Variants in FBXL3 observed in about 807,000 individuals in gnomAD.
FBXL3 encodes F-box and leucine rich repeat protein 3.
FBXL3 carries 14 observed loss-of-function variants against 37.9 expected under a neutral mutation model. That is an observed-to-expected ratio of 0.37 (90% CI 0.24 to 0.58). FBXL3 has a LOEUF of 0.58. Ranked by LOEUF, FBXL3 falls within the 20% of genes least tolerant of loss-of-function variation. The pLI is 0.74. For missense variants in FBXL3, 327 were observed against 511.1 expected (o/e 0.64, Z 3.47); for synonymous variants, 194 against 180.1 (o/e 1.08, Z -0.62).
At chr13:77,023,832 T>A (rs1039535576) in intron 1 of FBXL3, among the ~76,000 whole-genome samples, 2 of 152,210 alleles carry the variant, frequency 1.3e-5, no homozygotes, top group Non-Finnish European at 2.9e-5. Flanking sequence ...GCAGACTTTC[T>A]CCACCCAGTA....
rs764011537 is a variant in FBXL3 at position 77,007,566 on chromosome 13, A to G, written c.866T>C (p.Leu289Ser). Residue 289 changes from leucine (L) to serine (S), a missense_variant, in exon 5 of 5, where the codon TTA (leucine) becomes TCA (serine). Physicochemically the swap from Leu to Ser is moderately radical, Grantham distance 145. Coordinates refer to ENST00000355619, the MANE Select transcript of FBXL3 (RefSeq NM_012158.4). Reference sequence around the variant, plus strand: ...TTCATATAAAAAAAAATACATCACTAAGTTCACTTTGGGTGAATGTCTGAT... The same window carrying G: ...TTCATATAAAAAAAAATACATCACTGAGTTCACTTTGGGTGAATGTCTGAT... ...AFIRHSPKVN[L>S]VMYFFLYEEE... 4 of 1,614,124 alleles carry G rather than the reference A, an allele frequency of 2.5e-6. No individual in the cohort carries two copies. The Admixed American group carries it at 5.0e-5, about 20-fold the overall frequency.
intron 1 of FBXL3, among the ~76,000 whole-genome samples, chr13:77,023,247 C>A (rs2034776495): frequency 6.6e-6 from 1 of 152,170 alleles, no homozygotes; most frequent in African/African-American, 2.4e-5. Context: ...GCAGCCTCGA[C>A]CTCCTGAGAT....
chr13:77,023,345 A>AGTGTGT (rs3037568), intron 1 of FBXL3, among the ~76,000 whole-genome samples: 96 of 147,600 alleles, frequency 6.5e-4, no homozygotes, highest in African/African-American at 2.0e-3. Flanking sequence ...AGAGAGAGAG[A>AGTGTGT]GTGTGTGTGT....
intron 4 of FBXL3, among the ~76,000 whole-genome samples, chr13:77,012,115 G>A (rs1040636343): frequency 1.4e-4 from 21 of 152,138 alleles, no homozygotes; most frequent in Admixed American, 1.0e-3. Context: ...GGTTTTGGGG[G>A]CAACAGCTAA....
chr13:77,014,953 C>G (rs1435651224), intron 4 of FBXL3: 1 of 152,174 alleles, frequency 6.6e-6, no homozygotes, highest in Non-Finnish European at 1.5e-5. Context: ...GGAAAAACAT[C>G]ATCTTGCAAA....
Position 77,005,271 on chromosome 13 carries a change from C to T in FBXL3, c.*1874G>A, listed in dbSNP as rs2034430488. 1 of 152,440 alleles carries T rather than the reference C, an allele frequency of 6.6e-6. No individual in the cohort carries two copies. Among genetic ancestry groups the T allele is most frequent in the Non-Finnish European group, 1.5e-5 (1 of 67,950 alleles). 9.4% of individuals were successfully genotyped at this position (152,440 alleles called of 1,614,324 possible). ...AAGTAAAATACAACAGCATTAGTAA[C>T]TTTTTATTCTCAAAGTGATAAAAGC... On this transcript the variant is annotated 3_prime_UTR_variant, in exon 5 of 5. Transcript: ENST00000355619.
chr13:77,006,150 A>C lies in FBXL3; in HGVS notation c.*995T>G, dbSNP rs528240621. ...TGGTGCTCCCTTTATGATTTTTAAAAATTTTACTTACATAACTATGTAATT... is the reference window on the plus strand; with the variant it reads ...TGGTGCTCCCTTTATGATTTTTAAACATTTTACTTACATAACTATGTAATT... On this transcript the variant is annotated 3_prime_UTR_variant, in exon 5 of 5. Coordinates refer to ENST00000355619, the MANE Select transcript of FBXL3 (RefSeq NM_012158.4). 3 of 152,674 alleles carry C rather than the reference A, an allele frequency of 2.0e-5. No individual in the cohort carries two copies. The South Asian group carries it at 6.2e-4, about 32-fold the overall frequency. 9.5% of individuals were successfully genotyped at this position (152,674 alleles called of 1,614,324 possible).
chr13:77,012,761 T>C (rs984441713), intron 4 of FBXL3: 2 of 152,174 alleles, frequency 1.3e-5, no homozygotes, highest in South Asian at 2.1e-4. Context: ...GCTCTTCAAA[T>C]AGAAAGTATT....
chr13:77,007,892 C>T (rs763118552), intron 4 of FBXL3, 104 bp from the exon 5 acceptor site: 19 of 849,522 alleles, frequency 2.2e-5, no homozygotes, highest in Non-Finnish European at 3.0e-5. Context: ...GTTCCCTTAC[C>T]ACAAAACTAT....
chr13:77,023,916 G>C (rs537645801), intron 1 of FBXL3, among the ~76,000 whole-genome samples: 88 of 152,304 alleles, frequency 5.8e-4, no homozygotes, highest in African/African-American at 2.0e-3. Flanking sequence ...TGACCTTAAT[G>C]CCATGAAAGT....
intron 2 of FBXL3, among the ~76,000 whole-genome samples, chr13:77,019,346 C>CA (rs151327307): frequency 0.037 from 5,607 of 152,038 alleles, 212 homozygotes; most frequent in East Asian, 0.14. Flanking sequence ...GATAAAGGGC[C>CA]AAAAAATCCC....
rs1264431793 is a variant in FBXL3, at chr13:77,021,554, T to C, written c.307A>G (p.Ile103Val). The change falls in exon 2 of 5, where the codon ATT (isoleucine) becomes GTT (valine). Residue 103 changes from isoleucine to valine, a missense_variant. Transcript: ENST00000355619. ...TGTAGATGGTTTGAATGTCTTTTAATAATCTGTTTGATCAGCTCTGGATGG... is the reference window on the plus strand; with the variant it reads ...TGTAGATGGTTTGAATGTCTTTTAACAATCTGTTTGATCAGCTCTGGATGG... ...ATHPELIKQI[I>V]KRHSNHLQYV... 6.2e-7 allele frequency: 1 copy of C among 1,614,090 alleles called. No homozygotes were observed. Among genetic ancestry groups the C allele is most frequent in the South Asian group, 1.1e-5 (1 of 91,082 alleles).
intron 1 of FBXL3, among the ~76,000 whole-genome samples, chr13:77,025,966 A>G (rs1013438107): frequency 7.3e-6 from 1 of 136,426 alleles, no homozygotes; most frequent in Admixed American, 6.9e-5. Flanking sequence ...AAATGCTTAG[A>G]GAGCGCACAG....
rs1209526728 is a variant in FBXL3, at chr13:77,006,859, T to C, written c.*286A>G. 8.6e-7 allele frequency: 1 copy of C among 1,160,434 alleles called. No individual in the cohort carries two copies. The highest frequency in any genetic ancestry group is 1.1e-6 in the Non-Finnish European group (1 of 939,612). The allele number at this position is 1,160,434 out of a possible 1,614,324, so 71.9% of individuals were successfully genotyped here. A position where few individuals can be genotyped will look rare whatever the true frequency, so the allele number is the denominator to read the frequency against. ...TGGATATTATAACATATAGGTTTTG[T>C]TTCCTTTAGACTGTAAACTGTTTAA... On this transcript the variant is annotated 3_prime_UTR_variant, in exon 5 of 5. Transcript: ENST00000355619.
At chr13:77,024,257 C>T (rs2154037988) in intron 1 of FBXL3, among the ~76,000 whole-genome samples, 1 of 151,984 alleles carries the variant, frequency 6.6e-6, no homozygotes, top group African/African-American at 2.4e-5. Context: ...TTTAACTTAC[C>T]CTGAAGGCTT....
chr13:77,020,583 A>C (rs2034724586), intron 2 of FBXL3, among the ~76,000 whole-genome samples: 1 of 145,012 alleles, frequency 6.9e-6, no homozygotes, highest in Non-Finnish European at 1.5e-5. Context: ...TTGTGTCCAG[A>C]TAAATCAAGT....
In FBXL3 at chr13:77,005,881, T is replaced by A. The variant is rs75210065; in HGVS notation, c.*1264A>T. 1 allele frequency: 152,509 copies of A among 152,526 alleles called. 76,246 individuals carry two copies. The highest frequency in any genetic ancestry group is 1 in the Middle Eastern group (294 of 294). 9.4% of individuals were successfully genotyped at this position (152,526 alleles called of 1,614,324 possible). ...CCCAGCATCAAAGTTTATATCATCT[T>A]TTAAAACTCAACATTTTATAGACTC... On this transcript the variant is annotated 3_prime_UTR_variant, in exon 5 of 5. Transcript: ENST00000355619.
chr13:77,015,894 G>A (rs544075370), intron 3 of FBXL3: 1 of 172,236 alleles, frequency 5.8e-6, no homozygotes, highest in Non-Finnish European at 1.2e-5. Flanking sequence ...ATCTCTCTCA[G>A]ACACTTCATT....
rs1023203372 is a variant in FBXL3 at position 77,006,710 on chromosome 13, C to T, written c.*435G>A. On this transcript the variant is annotated 3_prime_UTR_variant, in exon 5 of 5. Coordinates refer to ENST00000355619, the MANE Select transcript of FBXL3 (RefSeq NM_012158.4). ...ATTTTTCTCACAAAATGCTCACTTT[C>T]CTGAGCTATATTAAACACCTTATAA... is the stretch of plus-strand genomic sequence containing the variant. The T allele has an allele frequency of 3.5e-5, 21 of 594,554 alleles. No individual in the cohort carries two copies. The South Asian group carries it at 1.2e-3, about 34-fold the overall frequency. 36.8% of individuals were successfully genotyped at this position (594,554 alleles called of 1,614,324 possible). A position where few individuals can be genotyped will look rare whatever the true frequency, so the allele number is the denominator to read the frequency against.
Sources: gnomAD v4.1 joint callset for allele counts (sites outside exome capture counted in the v4.1 genomes callset) on GRCh38, gnomAD v4.1.1 for gene constraint, MANE v1.5 for transcripts, NCBI Gene and HGNC (gene_info 2026-07-23, HGNC 2026-07-21) for gene names.